The following BARX2 variants were observed in gnomAD, a reference collection of about 807,000 sequenced individuals.
BARX2 encodes BARX homeobox 2, also known as homeobox protein BarH-like 2.
BARX2 carries 11 observed loss-of-function variants against 25.5 expected under a neutral mutation model. The observed-to-expected ratio is 0.43, with a 90% confidence interval of 0.27 to 0.71. BARX2 has a LOEUF of 0.71. BARX2 is among the 30% of genes least tolerant of loss of function. The pLI is 0.19. For synonymous variants in BARX2, 137 were observed against 149.5 expected (o/e 0.92, Z 0.61); for missense variants, 360 against 359.9 (o/e 1.00, Z 0.00).
intron 1 of BARX2, among the ~76,000 whole-genome samples, chr11:129,428,872 G>A (rs1056733221): frequency 1.3e-5 from 2 of 152,178 alleles, no homozygotes; most frequent in African/African-American, 4.8e-5. Context: ...ACTTCACGGG[G>A]GCGCTCTCAG....
chr11:129,397,204 A>G (rs1171876523), intron 1 of BARX2, among the ~76,000 whole-genome samples: 1 of 151,876 alleles, frequency 6.6e-6, no homozygotes. Flanking sequence ...GGATCTCTTG[A>G]ACCTGGAAGT....
chr11:129,378,421 A>G (rs1287618927), intron 1 of BARX2, among the ~76,000 whole-genome samples: 3 of 152,170 alleles, frequency 2.0e-5, no homozygotes, highest in African/African-American at 7.2e-5. Flanking sequence ...CTTTCAAAGC[A>G]TTTTTGTTTT....
chr11:129,446,762 A>G (rs978999252), intron 3 of BARX2, among the ~76,000 whole-genome samples: 2 of 152,174 alleles, frequency 1.3e-5, no homozygotes, highest in African/African-American at 4.8e-5. Flanking sequence ...CCTGAGGTCC[A>G]GTGGAACATC....
At chr11:129,400,970 A>C (rs1237034709) in intron 1 of BARX2, among the ~76,000 whole-genome samples, 1 of 152,226 alleles carries the variant, frequency 6.6e-6, no homozygotes, top group Admixed American at 6.5e-5. Context: ...ATCCAATGAG[A>C]TAAAGACTGA....
At chr11:129,432,987 C>T (rs1003414877) in intron 1 of BARX2, among the ~76,000 whole-genome samples, 5 of 152,132 alleles carry the variant, frequency 3.3e-5, no homozygotes, top group Non-Finnish European at 7.3e-5. Context: ...CCACCCACTC[C>T]CTTGGTGATC....
intron 1 of BARX2, among the ~76,000 whole-genome samples, chr11:129,405,948 T>C (rs889417730): frequency 6.6e-6 from 1 of 152,232 alleles, no homozygotes; most frequent in African/African-American, 2.4e-5. Context: ...GCTTATATTC[T>C]TTAGTCCACA....
intron 1 of BARX2, among the ~76,000 whole-genome samples, chr11:129,397,151 G>T (rs996534586): frequency 1.3e-5 from 2 of 152,008 alleles, no homozygotes; most frequent in Non-Finnish European, 2.9e-5. Context: ...GGGCGTGGTG[G>T]TATGTGCCTG....
Position 129,429,261 on chromosome 11 carries a change from G to C in BARX2, c.188-7490G>C, listed in dbSNP as rs562259927. On this transcript the variant is annotated intron_variant, in intron 1 of 3. Transcript: ENST00000281437. ...AAAGTTCAACTGGAGGCCGGGCATG[G>C]TGGCTCACACTTGTAATCCCAGCAC... Among the ~76,000 whole-genome samples, 9 of 152,214 alleles carry C rather than the reference G, an allele frequency of 5.9e-5. No individual in the cohort carries two copies. In the East Asian group the frequency reaches 1.7e-3, roughly 29 times the overall value.
At chr11:129,416,165 G>A (rs1438910590) in intron 1 of BARX2, among the ~76,000 whole-genome samples, 1 of 152,246 alleles carries the variant, frequency 6.6e-6, no homozygotes, top group African/African-American at 2.4e-5. Flanking sequence ...TGTACACAGA[G>A]GAAGTCTGGA....
At chr11:129,430,847 T>G (rs574144879) in intron 1 of BARX2, among the ~76,000 whole-genome samples, 1 of 152,312 alleles carries the variant, frequency 6.6e-6, no homozygotes, top group East Asian at 1.9e-4. Flanking sequence ...TCATCCACTA[T>G]TCATCAAGTT....
At chr11:129,407,902 G>A (rs78037374) in intron 1 of BARX2, among the ~76,000 whole-genome samples, 2,828 of 151,238 alleles carry the variant, frequency 0.019, 80 homozygotes, top group East Asian at 0.1. Context: ...TGGCGCCTCT[G>A]TTAAAGGTTG....
chr11:129,443,965 C>T (rs920158523), intron 3 of BARX2, among the ~76,000 whole-genome samples: 9 of 152,138 alleles, frequency 5.9e-5, no homozygotes, highest in East Asian at 1.9e-4. Context: ...TTTCTCCTCT[C>T]GTCCATGCCA....
intron 1 of BARX2, among the ~76,000 whole-genome samples, chr11:129,416,594 G>T (rs141724807): frequency 2.4e-4 from 36 of 152,244 alleles, no homozygotes; most frequent in African/African-American, 8.4e-4. Flanking sequence ...TTGTTGATAT[G>T]TTGGGGGCTG....
intron 1 of BARX2, among the ~76,000 whole-genome samples, chr11:129,382,042 C>G (rs1210473635): frequency 6.6e-6 from 1 of 152,198 alleles, no homozygotes; most frequent in Admixed American, 6.5e-5. Context: ...AGCCTTCGCT[C>G]TGGAAGACTG....
At chr11:129,377,273 C>T (rs1861513612) in intron 1 of BARX2, among the ~76,000 whole-genome samples, 1 of 152,178 alleles carries the variant, frequency 6.6e-6, no homozygotes. Flanking sequence ...TTTTTTGGAA[C>T]ATTTGAGTTG....
intron 1 of BARX2, among the ~76,000 whole-genome samples, chr11:129,432,149 G>A (rs1269691394): frequency 1.3e-5 from 2 of 151,930 alleles, no homozygotes; most frequent in Non-Finnish European, 2.9e-5. Context: ...TGCAACCTCC[G>A]CCTCCCGGGT....
chr11:129,384,124 G>A (rs536528037), intron 1 of BARX2, among the ~76,000 whole-genome samples: 2 of 151,972 alleles, frequency 1.3e-5, no homozygotes, highest in East Asian at 1.9e-4. Flanking sequence ...CACCTGCCTC[G>A]GCCTCCCAAA....
At chr11:129,399,461 A>G (rs1861754748) in intron 1 of BARX2, among the ~76,000 whole-genome samples, 1 of 152,132 alleles carries the variant, frequency 6.6e-6, no homozygotes, top group Admixed American at 6.5e-5. Context: ...TCTGTGGCCC[A>G]AGCAATCCTC....
intron 2 of BARX2, among the ~76,000 whole-genome samples, chr11:129,441,880 C>T (rs559172852): frequency 5.9e-5 from 9 of 152,118 alleles, no homozygotes; most frequent in Non-Finnish European, 1.2e-4. Flanking sequence ...TGCTTCACTG[C>T]GTTGTGAATG....
Sources: gnomAD v4.1 joint callset for allele counts (sites outside exome capture counted in the v4.1 genomes callset) on GRCh38, gnomAD v4.1.1 for gene constraint, MANE v1.5 for transcripts, NCBI Gene and HGNC (gene_info 2026-07-23, HGNC 2026-07-21) for gene names.